AMZ1: variants seen among roughly 807,000 people sequenced by gnomAD.
The protein encoded by AMZ1 is archaelysin family metallopeptidase 1.
A neutral mutation model predicts 29.9 loss-of-function variants in AMZ1; 39 were observed. The ratio of observed to expected loss-of-function variants is 1.30; its 90% CI spans 1.01 to 1.70. The LOEUF is 1.70. Among genes scored for constraint, AMZ1 ranks in the 40% most tolerant of loss-of-function variants. The pLI is 0.00. For synonymous variants in AMZ1, 458 were observed against 304.0 expected, an observed-to-expected ratio of 1.51 and a Z score of -5.27; for missense variants, 1,041 against 680.6, an observed-to-expected ratio of 1.53 and a Z score of -5.89.
Position 2,702,863 on chromosome 7 carries a change from A to C in AMZ1, c.446A>C (p.Asp149Ala). ...SIRCSSRPSR[D>A]SDRLQLHTDG... ...CGCTGCTCCTCGCGGCCCAGCCGGGACTCTGACAGGCTCCAGCTCCACACA... is the reference window on the plus strand; with the variant it reads ...CGCTGCTCCTCGCGGCCCAGCCGGGCCTCTGACAGGCTCCAGCTCCACACA... Residue 149 changes from aspartate to alanine, a missense_variant, in exon 3 of 7, where the codon GAC becomes GCC. Coordinates refer to ENST00000683327, the MANE Select transcript of AMZ1 (RefSeq NM_001384743.1). 2 of 1,587,944 alleles carry C rather than the reference A, an allele frequency of 1.3e-6. No individual in the cohort carries two copies. The highest frequency in any genetic ancestry group is 2.3e-5 in the South Asian group (2 of 87,938).
intron 4 of AMZ1, among the ~76,000 whole-genome samples, chr7:2,733,785 T>G (rs1470761863): frequency 6.6e-6 from 1 of 152,232 alleles, no homozygotes; most frequent in African/African-American, 2.4e-5. Context: ...CAGGCCCCTC[T>G]GATGGGGGAC....
chr7:2,757,679 T>C (rs937117533), intron 4 of AMZ1, among the ~76,000 whole-genome samples: 2 of 152,222 alleles, frequency 1.3e-5, no homozygotes, highest in African/African-American at 4.8e-5. Context: ...TAATTGGTGG[T>C]AATCTTTTCA....
upstream of AMZ1, among the ~76,000 whole-genome samples, chr7:2,761,068 G>A (rs146488205): frequency 4.6e-4 from 70 of 152,326 alleles, no homozygotes; most frequent in South Asian, 0.01. Context: ...AGTCAGGAAC[G>A]TAGCACGCAT....
intron 4 of AMZ1, among the ~76,000 whole-genome samples, chr7:2,755,891 T>C (rs1429917997): frequency 6.6e-6 from 1 of 152,198 alleles, no homozygotes; most frequent in Non-Finnish European, 1.5e-5. Context: ...TTGTTTATGC[T>C]CCCCAAATTG....
At position 2,700,664 on chromosome 7, in the gene AMZ1, C is replaced by A. The variant is rs368870586; in HGVS notation, c.213C>A (p.Pro71=). 1.9e-6 allele frequency: 3 copies of A among 1,612,314 alleles called. No individual in the cohort carries two copies. Among genetic ancestry groups the A allele is most frequent in the African/African-American group, 2.7e-5 (2 of 74,924 alleles). Residue 71 remains proline, a synonymous_variant, in exon 2 of 7, where the codon CCC becomes CCA. Transcript: ENST00000683327. ...GCTTCGACTGGCTCCTGAGCCGACC[C>A]GAGGCTCCCGAGGACTTCCAGACCT... ...RTGFDWLLSR[P]EAPEDFQTFH...
chr7:2,746,797 GAAGA>G (rs967906571), intron 4 of AMZ1, among the ~76,000 whole-genome samples: 11 of 151,950 alleles, frequency 7.2e-5, no homozygotes, highest in African/African-American at 2.7e-4. Context: ...AGAAAAGAGA[GAAGA>G]ATCAAATAGA....
chr7:2,696,260 T>TA (rs1236469876), intron 1 of AMZ1, among the ~76,000 whole-genome samples: 1 of 147,220 alleles, frequency 6.8e-6, no homozygotes, highest in Non-Finnish European at 1.5e-5. Context: ...GATAGTCATT[T>TA]TTTTTTTTTT....
intron 4 of AMZ1, among the ~76,000 whole-genome samples, chr7:2,744,307 C>T (rs1207921926): frequency 2.0e-5 from 3 of 152,204 alleles, no homozygotes; most frequent in African/African-American, 7.2e-5. Context: ...GCCGGGTACT[C>T]CTCTGAGACA....
Position 2,731,741 on chromosome 7 carries a change from G to C in AMZ1, n.550+21925G>C, listed in dbSNP as rs1276285181. On this transcript the variant is annotated intron_variant and non_coding_transcript_variant, in intron 4 of 4. Coordinates refer to the AMZ1 transcript ENST00000489665. The surrounding 1 kb of genome is among the most constrained non-coding windows in gnomAD (Gnocchi z 6.0). ...GCCAGCAGGATATCTTGCTTACTAG[G>C]AAAGTAATTCTGTAAAATACAGGAT... is the stretch of plus-strand genomic sequence containing the variant. 2 of 1,519,732 alleles carry C rather than the reference G, an allele frequency of 1.3e-6. No homozygotes were observed. The highest frequency in any genetic ancestry group is 1.8e-6 in the Non-Finnish European group (2 of 1,125,742). 94.1% of individuals were successfully genotyped at this position (1,519,732 alleles called of 1,614,324 possible).
chr7:2,703,663 G>A (rs1788189581), intron 3 of AMZ1, among the ~76,000 whole-genome samples: 1 of 152,128 alleles, frequency 6.6e-6, no homozygotes, highest in Non-Finnish European at 1.5e-5. Context: ...CAAAGGGGCT[G>A]GAATGAGCGG....
chr7:2,744,305 C>G (rs1367122868), intron 4 of AMZ1, among the ~76,000 whole-genome samples: 2 of 152,200 alleles, frequency 1.3e-5, no homozygotes, highest in Non-Finnish European at 2.9e-5. Flanking sequence ...CGGCCGGGTA[C>G]TCCTCTGAGA....
At chr7:2,722,974 A>C (rs995624467), downstream of AMZ1, among the ~76,000 whole-genome samples, 1 of 152,040 alleles carries the variant, frequency 6.6e-6, no homozygotes, top group Non-Finnish European at 1.5e-5. Flanking sequence ...GCAAGACCCT[A>C]TATTTAAAAT....
chr7:2,681,018 C>T (rs1223325961), intron 1 of AMZ1, among the ~76,000 whole-genome samples: 2 of 152,252 alleles, frequency 1.3e-5, no homozygotes, highest in South Asian at 4.1e-4. Flanking sequence ...AGAAACCTTC[C>T]AGGACGCTGA....
Position 2,700,492 on chromosome 7 carries a change from C to T in AMZ1, c.41C>T (p.Pro14Leu), listed in dbSNP as rs370521191. The change falls in exon 2 of 7, where the codon CCC becomes CTC. Residue 14 changes from proline to leucine, a missense_variant. Transcript: ENST00000683327. ...CRPAQEFSFG[P>L]RALKDALVST... Reference sequence around the variant, plus strand: ...CCCGCACAGGAGTTCAGCTTCGGGCCCCGGGCCTTGAAGGACGCTCTGGTC... The same window carrying T: ...CCCGCACAGGAGTTCAGCTTCGGGCTCCGGGCCTTGAAGGACGCTCTGGTC... 6 of 1,604,680 alleles carry T rather than the reference C, an allele frequency of 3.7e-6. No individual in the cohort carries two copies. The African/African-American group carries it at 5.3e-5, about 14-fold the overall frequency.
intron 1 of AMZ1, among the ~76,000 whole-genome samples, chr7:2,682,129 G>C (rs951119688): frequency 6.6e-6 from 1 of 152,218 alleles, no homozygotes; most frequent in African/African-American, 2.4e-5. Context: ...GAAGCTCAAA[G>C]GGCGGCCTCA....
At chr7:2,723,851 G>T (rs1222480357), downstream of AMZ1, among the ~76,000 whole-genome samples, 1 of 152,202 alleles carries the variant, frequency 6.6e-6, no homozygotes, top group Non-Finnish European at 1.5e-5. Context: ...AGAGGGCCAC[G>T]CTCTTGACCA....
chr7:2,687,325 T>TA (rs753707619), upstream of AMZ1, among the ~76,000 whole-genome samples: 2,682 of 142,880 alleles, frequency 0.019, 68 homozygotes, highest in African/African-American at 0.063. Context: ...AGACTCCATC[T>TA]AAAAAAAAAA....
intron 6 of AMZ1, 127 bp downstream of exon 6, chr7:2,709,943 G>A: frequency 1.5e-6 from 2 of 1,323,132 alleles, no homozygotes; most frequent in African/African-American, 1.5e-5. Flanking sequence ...GTTCCAGGCA[G>A]TGCAGAGCCC....
intron 6 of AMZ1, 121 bp downstream of exon 6, chr7:2,709,937 C>T: frequency 7.4e-7 from 1 of 1,357,184 alleles, no homozygotes; most frequent in Non-Finnish European, 1.0e-6. Flanking sequence ...TGCCGGGTTC[C>T]AGGCAGTGCA....
Sources: gnomAD v4.1 joint callset for allele counts (sites outside exome capture counted in the v4.1 genomes callset) on GRCh38, gnomAD v4.1.1 for gene constraint, Gnocchi (gnomAD v3.1) non-coding constraint, MANE v1.5 for transcripts, NCBI Gene and HGNC (gene_info 2026-07-23, HGNC 2026-07-21) for gene names.